Variants in PDE9A observed in about 807,000 individuals in gnomAD.
The protein encoded by PDE9A is phosphodiesterase 9A, also known as high affinity cGMP-specific 3',5'-cyclic phosphodiesterase 9A.
Under a neutral mutation model 87.4 loss-of-function variants are expected in PDE9A, and 60 were observed. The ratio of observed to expected loss-of-function variants is 0.69; its 90% confidence interval spans 0.56 to 0.85. PDE9A has a LOEUF of 0.85. Among genes scored for constraint, PDE9A ranks in the 40% least tolerant of loss-of-function variants. The probability of loss-of-function intolerance (pLI) is 0.00; values close to 1 mark genes in which losing one functional copy is unlikely to be tolerated. For synonymous variants in PDE9A, 272 were observed against 279.4 expected, an observed-to-expected ratio of 0.97 and a Z score of 0.27; for missense variants, 665 against 779.0, an observed-to-expected ratio of 0.85 and a Z score of 1.74.
intron 8 of PDE9A, among the ~76,000 whole-genome samples, chr21:42,745,787 C>T (rs1232548220): frequency 6.6e-6 from 1 of 152,166 alleles, no homozygotes; most frequent in African/African-American, 2.4e-5. Context: ...GCTGGGGCTG[C>T]GGGTGTAGCA....
intron 9 of PDE9A, among the ~76,000 whole-genome samples, chr21:42,751,924 T>C (rs1194608405): frequency 1.3e-5 from 2 of 151,922 alleles, no homozygotes; most frequent in East Asian, 3.9e-4. Flanking sequence ...TTTTTTTGTA[T>C]TTTTTTAGTA....
In PDE9A at chr21:42,732,101, G is replaced by A. The variant is rs146500986; in HGVS notation, c.474G>A (p.Ala158=). The part of the protein sequence containing the change: ...EREELIQSVL[A]QVAEQFSRAF... Reference sequence around the variant, plus strand: ...AAGAATTAATCCAGAGCGTGCTGGCGCAGGTTGCAGAGCAGTTCTCAAGGT... The same window carrying A: ...AAGAATTAATCCAGAGCGTGCTGGCACAGGTTGCAGAGCAGTTCTCAAGGT... The change falls in exon 6 of 20, where the codon GCG becomes GCA. Residue 158 remains alanine (A), a synonymous_variant. Transcript: ENST00000291539. The A allele has an allele frequency of 1.7e-4, 277 of 1,614,148 alleles. 1 individual carries two copies. The African/African-American group carries it at 3.1e-3, about 18-fold the overall frequency.
rs148912658 is a variant in PDE9A at position 42,698,922 on chromosome 21, G to A, written c.219-46G>A. The A allele has an allele frequency of 1.0e-3, 1,494 of 1,425,252 alleles. 10 individuals are homozygous for A. In the African/African-American group the frequency reaches 0.012, roughly 11 times the overall value. 88.3% of individuals were successfully genotyped at this position (1,425,252 alleles called of 1,614,324 possible). On this transcript the variant is annotated intron_variant, in intron 3 of 19. Transcript: ENST00000291539. ...TTATCTCTCCTGCCAGGCATACAGC[G>A]AGCGCCTTGCAGAGTCTCACAGCGG...
chr21:42,756,905 GTC>G (rs2055122160), intron 10 of PDE9A: 1 of 152,458 alleles, frequency 6.6e-6, no homozygotes, highest in Non-Finnish European at 1.5e-5. Flanking sequence ...GGCACCAAGT[GTC>G]TCTGTCTGCC....
At chr21:42,724,042 T>C (rs1035583030) in intron 4 of PDE9A, among the ~76,000 whole-genome samples, 1 of 152,168 alleles carries the variant, frequency 6.6e-6, no homozygotes, top group Non-Finnish European at 1.5e-5. Context: ...ACATTTGCAA[T>C]TGAAAACTGT....
rs1001353527 is a variant in PDE9A, at chr21:42,704,012, G to A, written c.262+5001G>A. Among the ~76,000 whole-genome samples, 2 of 152,216 alleles carry A rather than the reference G, an allele frequency of 1.3e-5. No individual in the cohort carries two copies. The highest frequency in any genetic ancestry group is 4.8e-5 in the African/African-American group (2 of 41,454). ...TTCAGGAGCATTCGGCCCAGGCTGTGATCTCGAGAAGGTGGTCAGGGCCCA... is the reference window on the plus strand; with the variant it reads ...TTCAGGAGCATTCGGCCCAGGCTGTAATCTCGAGAAGGTGGTCAGGGCCCA... On this transcript the variant is annotated intron_variant, in intron 4 of 19. Coordinates refer to ENST00000291539, the MANE Select transcript of PDE9A (RefSeq NM_002606.3). This position sits in a 1 kb window ranked among gnomAD's most constrained non-coding sequence, Gnocchi z 5.3.
chr21:42,657,143 G>A (rs1266120576), intron 1 of PDE9A, among the ~76,000 whole-genome samples: 2 of 152,246 alleles, frequency 1.3e-5, no homozygotes, highest in Admixed American at 6.5e-5. Context: ...TGTGGGGAAG[G>A]AGCCCTTTGT....
intron 1 of PDE9A, among the ~76,000 whole-genome samples, chr21:42,666,677 T>G (rs1346041067): frequency 1.3e-5 from 2 of 152,198 alleles, no homozygotes; most frequent in Non-Finnish European, 2.9e-5. Context: ...AGCCTCTGCA[T>G]GTCTGTGTCC....
intron 7 of PDE9A, among the ~76,000 whole-genome samples, chr21:42,742,126 A>C (rs143424578): frequency 6.8e-4 from 103 of 152,274 alleles, no homozygotes; most frequent in African/African-American, 2.4e-3. Flanking sequence ...TCGGAGGCAT[A>C]AGCTCCAGTT....
At chr21:42,732,181 G>T (rs2051864044) in intron 6 of PDE9A, 57 bp downstream of exon 6, 2 of 1,518,454 alleles carry the variant, frequency 1.3e-6, no homozygotes, top group Non-Finnish European at 1.8e-6. Context: ...TTCTCTAAGA[G>T]CGAGGGCAGG....
chr21:42,665,994 GGAAACGCT>G (rs2057950041), intron 1 of PDE9A, among the ~76,000 whole-genome samples: 1 of 152,210 alleles, frequency 6.6e-6, no homozygotes, highest in East Asian at 1.9e-4. Flanking sequence ...CCTAAGCACA[GGAAACGCT>G]GCCTTCCTGG....
At chr21:42,769,358 G>C (rs554743989) in intron 17 of PDE9A, among the ~76,000 whole-genome samples, 1 of 142,646 alleles carries the variant, frequency 7.0e-6, no homozygotes, top group African/African-American at 2.7e-5. Flanking sequence ...CACACACACA[G>C]GCACACACTT....
chr21:42,735,370 G>A (rs1232926533), intron 7 of PDE9A, among the ~76,000 whole-genome samples: 3 of 152,236 alleles, frequency 2.0e-5, no homozygotes, highest in Non-Finnish European at 4.4e-5. Context: ...CAGGCCCCAC[G>A]AAGGGAGGCT....
At chr21:42,664,003 T>A (rs2057785700) in intron 1 of PDE9A, among the ~76,000 whole-genome samples, 1 of 152,190 alleles carries the variant, frequency 6.6e-6, no homozygotes, top group Admixed American at 6.5e-5. Context: ...GAGTCCACCA[T>A]GTGTCCTCAG....
intron 1 of PDE9A, among the ~76,000 whole-genome samples, chr21:42,683,391 C>T (rs1028623982): frequency 6.6e-6 from 1 of 152,236 alleles, no homozygotes; most frequent in African/African-American, 2.4e-5. Flanking sequence ...CGAGCTCTGG[C>T]CTCCAGCCTG....
At position 42,653,755 on chromosome 21, in the gene PDE9A, CGCG is replaced by C; in HGVS notation, c.-54_-52del. 9.6e-7 allele frequency: 1 copy of C among 1,038,572 alleles called. No homozygotes were observed. Among genetic ancestry groups the C allele is most frequent in the South Asian group, 1.5e-5 (1 of 67,334 alleles). The allele number at this position is 1,038,572 out of a possible 1,614,324, so 64.3% of individuals were successfully genotyped here. On this transcript the variant is annotated 5_prime_UTR_variant, in exon 1 of 20. Coordinates refer to ENST00000291539, the MANE Select transcript of PDE9A (RefSeq NM_002606.3). The stretch of plus-strand genomic sequence containing the variant: ...TCCCCTGCTCCCCTCCCCCGCCTCC[CGCG>C]GCGGCTGGCGTCGGGAAAGTACAGT...
chr21:42,731,981 C>T (rs1467249159), intron 5 of PDE9A, 32 bp downstream of exon 5: 2 of 1,610,454 alleles, frequency 1.2e-6, no homozygotes, highest in Non-Finnish European at 8.5e-7. Flanking sequence ...ACAGCCTCCA[C>T]CCCCCAACAC....
At chr21:42,682,285 G>A (rs1204753529) in intron 1 of PDE9A, among the ~76,000 whole-genome samples, 3 of 152,326 alleles carry the variant, frequency 2.0e-5, no homozygotes, top group Admixed American at 6.5e-5. Flanking sequence ...ACTTACAAAC[G>A]GATGCAGCTA....
rs1477422758 is a variant in PDE9A at position 42,696,076 on chromosome 21, T to C, written c.219-2892T>C. ...GGCTCCTGCCCTCAGCTTACCAGAC[T>C]CCTCGGAGAGGCTGGCCTCTGAATT... is the stretch of plus-strand genomic sequence containing the variant. On this transcript the variant is annotated intron_variant, in intron 3 of 19. Transcript: ENST00000291539. The surrounding 1 kb of genome is among the most constrained non-coding windows in gnomAD (Gnocchi z 5.1). 6.6e-6 allele frequency among the ~76,000 whole-genome samples: 1 copy of C among 152,164 alleles called. No individual in the cohort carries two copies. The highest frequency in any genetic ancestry group is 1.5e-5 in the Non-Finnish European group (1 of 68,024).
Sources: allele counts gnomAD v4.1 joint callset (sites outside exome capture counted in the v4.1 genomes callset), GRCh38; gene constraint gnomAD v4.1.1; non-coding constraint Gnocchi (gnomAD v3.1); transcripts MANE v1.5; gene names NCBI Gene and HGNC (gene_info 2026-07-23, HGNC 2026-07-21).